Variants in ZCCHC4 observed in about 807,000 individuals in gnomAD.
The protein encoded by ZCCHC4 is zinc finger CCHC-type containing 4.
ZCCHC4 carries 54 observed loss-of-function variants against 67.7 expected under a neutral mutation model. The observed-to-expected ratio is 0.80, with a 90% CI of 0.64 to 1.00. The LOEUF (loss-of-function observed/expected upper bound fraction) is 1.00. Ranked by LOEUF, ZCCHC4 falls within the 50% of genes least tolerant of loss-of-function variation. The pLI, the probability that ZCCHC4 is intolerant of heterozygous loss-of-function variation, is 0.00. For synonymous variants in ZCCHC4, 198 were observed against 213.5 expected (o/e 0.93, Z 0.63); for missense variants, 609 against 617.0 (o/e 0.99, Z 0.14).
At chr4:25,365,529 C>T in intron 12 of ZCCHC4, 1 of 996,156 alleles carries the variant, frequency 1.0e-6, no homozygotes, top group Non-Finnish European at 1.2e-6. Context: ...CAGATATAGA[C>T]ACATGATGGC....
At position 25,324,014 on chromosome 4, in the gene ZCCHC4, G is replaced by GTTTTTTTTTTTTTTTTTTTTTTTTTTT. The variant is rs71188998; in HGVS notation, c.329+8630_329+8631insTTTTTTTTTTTTTTTTTTTTTTTTTTT. On this transcript the variant is annotated intron_variant, in intron 3 of 12. Coordinates refer to ENST00000302874, the MANE Select transcript of ZCCHC4 (RefSeq NM_024936.3). ...TCGTACAGTATGTACTGTTTTTTGT[G>GTTTTTTTTTTTTTTTTTTTTTTTTTTT]TTTTTTTTTTTTTTTTGAGACAGAG... is the stretch of plus-strand genomic sequence containing the variant. 1.6e-4 allele frequency among the ~76,000 whole-genome samples: 13 copies of GTTTTTTTTTTTTTTTTTTTTTTTTTTT among 82,430 alleles called. 4 individuals carry two copies. Among genetic ancestry groups the GTTTTTTTTTTTTTTTTTTTTTTTTTTT allele is most frequent in the Admixed American group, 1.7e-4 (1 of 5,836 alleles). The allele number at this position is 82,430 out of a possible 152,430, so 54.1% of individuals were successfully genotyped here. A position where few individuals can be genotyped will look rare whatever the true frequency, so the allele number is the denominator to read the frequency against.
rs781297990 is a variant in ZCCHC4, at chr4:25,333,439, C to CTGTG, written c.590_593dup (p.Gly199CysfsTer8). Reference sequence around the variant, plus strand: ...TTCTGCCCTCGGATTCAGAAGAGTACTGTGTGTTGGAACACCAAGGTATGT... The same window carrying CTGTG: ...TTCTGCCCTCGGATTCAGAAGAGTACTGTGTGTGTGTTGGAACACCAAGGTATGT... On this transcript the variant is annotated frameshift_variant, in exon 4 of 13. Transcript: ENST00000302874. LOFTEE classifies it high-confidence loss of function. 6.2e-7 allele frequency: 1 copy of CTGTG among 1,614,138 alleles called. No homozygotes were observed. Among genetic ancestry groups the CTGTG allele is most frequent in the Non-Finnish European group, 8.5e-7 (1 of 1,180,010 alleles).
At chr4:25,337,669 A>T (rs1042169988) in intron 5 of ZCCHC4, among the ~76,000 whole-genome samples, 2 of 152,184 alleles carry the variant, frequency 1.3e-5, no homozygotes, top group Non-Finnish European at 2.9e-5. Context: ...GAGACAAAAA[A>T]CCAGATGTCC....
At chr4:25,322,909 C>G (rs993434062) in intron 3 of ZCCHC4, among the ~76,000 whole-genome samples, 1 of 152,204 alleles carries the variant, frequency 6.6e-6, no homozygotes, top group African/African-American at 2.4e-5. Context: ...TCAAGTTGTT[C>G]TATGACAGTG....
intron 3 of ZCCHC4, among the ~76,000 whole-genome samples, chr4:25,326,342 C>T (rs768062532): frequency 6.6e-6 from 1 of 152,186 alleles, no homozygotes; most frequent in Non-Finnish European, 1.5e-5. Flanking sequence ...CCCAGATGAC[C>T]CAGGATAACC....
intron 5 of ZCCHC4, among the ~76,000 whole-genome samples, chr4:25,343,604 A>G (rs1719855266): frequency 6.6e-6 from 1 of 152,188 alleles, no homozygotes; most frequent in Admixed American, 6.5e-5. Context: ...CATTTTACGG[A>G]TGAAGAAACT....
chr4:25,334,323 T>C (rs1034554022), intron 5 of ZCCHC4, among the ~76,000 whole-genome samples: 2 of 152,244 alleles, frequency 1.3e-5, no homozygotes, highest in African/African-American at 4.8e-5. Flanking sequence ...TGCCTCATAC[T>C]TAATCAGACT....
At chr4:25,327,377 TCTCCCTCC>T (rs1296582328) in intron 3 of ZCCHC4, among the ~76,000 whole-genome samples, 5 of 145,746 alleles carry the variant, frequency 3.4e-5, no homozygotes, top group African/African-American at 1.3e-4. Context: ...TTTTTGAGAA[TCTCCCTCC>T]CTCCCTCCCT....
At chr4:25,318,349 C>CTTTTTTTTT (rs528144406) in intron 3 of ZCCHC4, among the ~76,000 whole-genome samples, 55 of 45,516 alleles carry the variant, frequency 1.2e-3, no homozygotes, top group East Asian at 2.4e-3. Flanking sequence ...CACTCTCTCT[C>CTTTTTTTTT]TTTTTTTTTT....
chr4:25,359,418 G>A lies in ZCCHC4; in HGVS notation c.1012-2441G>A, dbSNP rs906487843. Reference sequence around the variant, plus strand: ...TCCAGGCACAGGCGGGGCACCTGGAGGCTCGGCTACAGAGCTTGGAAAAGG... The same window carrying A: ...TCCAGGCACAGGCGGGGCACCTGGAAGCTCGGCTACAGAGCTTGGAAAAGG... On this transcript the variant is annotated intron_variant, in intron 8 of 12. Coordinates refer to ENST00000302874, the MANE Select transcript of ZCCHC4 (RefSeq NM_024936.3). The surrounding 1 kb of genome is among the most constrained non-coding windows in gnomAD (Gnocchi z 4.9). Among the ~76,000 whole-genome samples the A allele has an allele frequency of 6.6e-6, 1 of 152,152 alleles. No homozygotes were observed. Among genetic ancestry groups the A allele is most frequent in the African/African-American group, 2.4e-5 (1 of 41,430 alleles).
intron 2 of ZCCHC4, among the ~76,000 whole-genome samples, chr4:25,314,541 G>A (rs1014607264): frequency 9.2e-5 from 14 of 152,192 alleles, no homozygotes; most frequent in African/African-American, 3.4e-4. Flanking sequence ...GGCAGATCTA[G>A]TGTCTGGTGT....
chr4:25,365,794 G>C, intron 12 of ZCCHC4: 1 of 985,398 alleles, frequency 1.0e-6, no homozygotes, highest in Non-Finnish European at 1.2e-6. Context: ...AAGAGGCACT[G>C]CTTCTGGAAT....
chr4:25,326,093 A>T (rs1260672103), intron 3 of ZCCHC4, among the ~76,000 whole-genome samples: 2 of 152,236 alleles, frequency 1.3e-5, no homozygotes, highest in African/African-American at 2.4e-5. Flanking sequence ...CCAACATCCA[A>T]AATCAACTAA....
intron 12 of ZCCHC4, among the ~76,000 whole-genome samples, chr4:25,368,823 T>C (rs547225985): frequency 6.6e-6 from 1 of 152,210 alleles, no homozygotes; most frequent in Non-Finnish European, 1.5e-5. Flanking sequence ...TTAAAGAATT[T>C]TTTTTTCTCA....
chr4:25,351,782 A>G (rs1720311346), intron 8 of ZCCHC4, 93 bp downstream of exon 8: 4 of 1,194,270 alleles, frequency 3.3e-6, no homozygotes, highest in Non-Finnish European at 4.7e-6. Flanking sequence ...GTAAAATACA[A>G]TGAGCTGTAT....
intron 3 of ZCCHC4, among the ~76,000 whole-genome samples, chr4:25,327,442 G>A (rs1029045099): frequency 1.8e-5 from 2 of 113,432 alleles, no homozygotes; most frequent in South Asian, 3.2e-4. Context: ...CCTTCCTTCC[G>A]TTCCTTCCTT....
At chr4:25,354,928 A>ATTTTT (rs1720458766) in intron 8 of ZCCHC4, among the ~76,000 whole-genome samples, 1 of 75,010 alleles carries the variant, frequency 1.3e-5, no homozygotes, top group African/African-American at 4.9e-5. Context: ...TTTTTTTTGG[A>ATTTTT]CATCACCTGA....
intron 8 of ZCCHC4, 147 bp from the exon 9 acceptor site, chr4:25,361,712 C>A: frequency 1.3e-6 from 1 of 770,612 alleles, no homozygotes; most frequent in Non-Finnish European, 2.0e-6. Flanking sequence ...TCCCCTCAGT[C>A]CTCAGCTTGG....
intron 12 of ZCCHC4, 99 bp from the exon 13 acceptor site, chr4:25,368,930 T>C: frequency 1.5e-6 from 2 of 1,363,936 alleles, no homozygotes; most frequent in East Asian, 2.5e-5. Flanking sequence ...TTTCCCTTCT[T>C]CTATTTTCTT....
Sources: gnomAD v4.1 joint callset for allele counts (sites outside exome capture counted in the v4.1 genomes callset) on GRCh38, gnomAD v4.1.1 for gene constraint, Gnocchi (gnomAD v3.1) non-coding constraint, MANE v1.5 for transcripts, NCBI Gene and HGNC (gene_info 2026-07-23, HGNC 2026-07-21) for gene names.